Variants in CHRM3 observed in about 807,000 individuals in gnomAD.
CHRM3 encodes muscarinic acetylcholine receptor M3.
CHRM3 carries 11 observed loss-of-function variants against 41.8 expected under a neutral mutation model. The ratio of observed to expected loss-of-function variants is 0.26; its 90% CI spans 0.17 to 0.44. The LOEUF (loss-of-function observed/expected upper bound fraction) is 0.44. CHRM3 is among the 20% of genes least tolerant of loss of function. The pLI is 1.00. For missense variants in CHRM3, 571 were observed against 745.4 expected (o/e 0.77, Z 2.72); for synonymous variants, 297 against 301.4 (o/e 0.99, Z 0.15).
chr1:239,437,688 C>T (rs1211177902), intron 1 of CHRM3, among the ~76,000 whole-genome samples: 2 of 152,118 alleles, frequency 1.3e-5, no homozygotes, highest in Non-Finnish European at 2.9e-5. Context: ...AAGCATGCAT[C>T]ACACCCTCTT....
intron 3 of CHRM3, among the ~76,000 whole-genome samples, chr1:239,573,614 T>C (rs1158924620): frequency 6.6e-6 from 1 of 152,058 alleles, no homozygotes; most frequent in Admixed American, 6.6e-5. Flanking sequence ...ATGTATGCAG[T>C]GTAGATTTCC....
chr1:239,466,190 T>G (rs1232442982), intron 1 of CHRM3, among the ~76,000 whole-genome samples: 1 of 152,088 alleles, frequency 6.6e-6, no homozygotes, highest in Non-Finnish European at 1.5e-5. Context: ...AGATGAGGTT[T>G]CACCATGTTG....
chr1:239,807,759 G>A (rs1177115910), intron 5 of CHRM3, among the ~76,000 whole-genome samples: 1 of 151,918 alleles, frequency 6.6e-6, no homozygotes, highest in East Asian at 1.9e-4. Context: ...GTATATAGAA[G>A]AGAAGCAGAT....
rs566193830 is a variant in CHRM3 at position 239,610,777 on chromosome 1, G to C, written c.-312-21447G>C. 2.8e-4 allele frequency among the ~76,000 whole-genome samples: 42 copies of C among 152,308 alleles called. 1 individual carries two copies. Among genetic ancestry groups the C allele is most frequent in the Middle Eastern group, 3.4e-3 (1 of 294 alleles). Reference sequence around the variant, plus strand: ...TTCTTTTAAGAAATGCCCTAGGCCAGGCGCTGTGGCTCATGCCTGTAATCC... The same window carrying C: ...TTCTTTTAAGAAATGCCCTAGGCCACGCGCTGTGGCTCATGCCTGTAATCC... On this transcript the variant is annotated intron_variant, in intron 3 of 6. Coordinates refer to ENST00000676153, the MANE Select transcript of CHRM3 (RefSeq NM_001375978.1).
At chr1:239,444,952 A>G (rs1469435000) in intron 1 of CHRM3, among the ~76,000 whole-genome samples, 1 of 152,206 alleles carries the variant, frequency 6.6e-6, no homozygotes, top group Non-Finnish European at 1.5e-5. Context: ...GGCAGTAAAG[A>G]CAAGAAGAGA....
At chr1:239,430,217 C>T (rs1425161468) in intron 1 of CHRM3, among the ~76,000 whole-genome samples, 1 of 151,966 alleles carries the variant, frequency 6.6e-6, no homozygotes. Flanking sequence ...CCGCCCTCCT[C>T]AGCCTCCCAA....
intron 3 of CHRM3, among the ~76,000 whole-genome samples, chr1:239,590,660 G>A (rs962952159): frequency 6.6e-6 from 1 of 151,886 alleles, no homozygotes; most frequent in Admixed American, 6.6e-5. Flanking sequence ...TCTTCATGAG[G>A]CATTTTAAAC....
intron 4 of CHRM3, among the ~76,000 whole-genome samples, chr1:239,667,895 C>G (rs1297082165): frequency 6.6e-6 from 1 of 152,038 alleles, no homozygotes; most frequent in African/African-American, 2.4e-5. Context: ...ATTTGTAACT[C>G]TAGTACAAAC....
chr1:239,568,800 A>G (rs1366423686), intron 3 of CHRM3, among the ~76,000 whole-genome samples: 1 of 152,140 alleles, frequency 6.6e-6, no homozygotes, highest in African/African-American at 2.4e-5. Flanking sequence ...TGCAAGCATG[A>G]TAAATAATCC....
chr1:239,499,864 A>AT (rs1668111624), intron 2 of CHRM3, among the ~76,000 whole-genome samples: 1 of 152,170 alleles, frequency 6.6e-6, no homozygotes, highest in African/African-American at 2.4e-5. Context: ...TCAGCCAAGA[A>AT]TTTTCTATCC....
chr1:239,621,774 C>G (rs953956283), intron 3 of CHRM3, among the ~76,000 whole-genome samples: 3 of 152,158 alleles, frequency 2.0e-5, no homozygotes, highest in African/African-American at 7.2e-5. Context: ...CAAAAGCTGT[C>G]TATATAATAT....
chr1:239,609,314 T>C (rs74150618), intron 3 of CHRM3, among the ~76,000 whole-genome samples: 3,437 of 152,336 alleles, frequency 0.023, 120 homozygotes, highest in African/African-American at 0.077. Context: ...TGTATACTTT[T>C]GTGTCTGCCA....
At chr1:239,607,494 C>G (rs373967935) in intron 3 of CHRM3, among the ~76,000 whole-genome samples, 1 of 151,936 alleles carries the variant, frequency 6.6e-6, no homozygotes, top group Admixed American at 6.6e-5. Context: ...AACGTGCTTA[C>G]GAGACTGAAA....
chr1:239,778,206 C>T (rs533347814), intron 5 of CHRM3, among the ~76,000 whole-genome samples: 1 of 152,228 alleles, frequency 6.6e-6, no homozygotes, highest in South Asian at 2.1e-4. Flanking sequence ...ATACCACATC[C>T]CTAAACTCAA....
chr1:239,782,399 T>A (rs1668574621), intron 5 of CHRM3, among the ~76,000 whole-genome samples: 1 of 152,128 alleles, frequency 6.6e-6, no homozygotes, highest in African/African-American at 2.4e-5. Flanking sequence ...GTGGGCAACA[T>A]GTGTTCATAA....
intron 5 of CHRM3, among the ~76,000 whole-genome samples, chr1:239,780,396 T>G (rs1355753044): frequency 6.6e-6 from 1 of 152,250 alleles, no homozygotes; most frequent in Non-Finnish European, 1.5e-5. Flanking sequence ...CATGTTTTCC[T>G]ATGTTTCTTT....
Position 239,631,416 on chromosome 1 carries a change from C to G in CHRM3, c.-312-808C>G, listed in dbSNP as rs1348026855. Among the ~76,000 whole-genome samples, 3 of 152,120 alleles carry G rather than the reference C, an allele frequency of 2.0e-5. No individual in the cohort carries two copies. The East Asian group carries it at 5.8e-4, about 29-fold the overall frequency. ...CTCTTTTCATTTGGTGTCACCGTCA[C>G]CATGCTGTGCAAACTTCAAGGTCCT... On this transcript the variant is annotated intron_variant, in intron 3 of 6. Coordinates refer to ENST00000676153, the MANE Select transcript of CHRM3 (RefSeq NM_001375978.1).
At position 239,907,656 on chromosome 1, in the gene CHRM3, G is replaced by A; in HGVS notation, c.205G>A (p.Val69Ile). The A allele has an allele frequency of 6.2e-7, 1 of 1,614,176 alleles. No homozygotes were observed. The change falls in exon 7 of 7, where the codon GTC becomes ATC. Residue 69 changes from valine to isoleucine, a missense_variant. Val to Ile is a conservative substitution (Grantham distance 29). This residue lies in a region of CHRM3 where 153 missense variants were observed against 296.3 expected (regional missense o/e 0.52). Transcript: ENST00000676153. This position sits in a 1 kb window ranked among gnomAD's most constrained non-coding sequence, Gnocchi z 5.4. The stretch of plus-strand genomic sequence containing the variant: ...GGGAGGTCATACCGTCTGGCAAGTG[G>A]TCTTCATCGCTTTCTTAACGGGCAT... ...PLGGHTVWQVVFIAFLTGILA... is the reference protein window; with the variant it reads ...PLGGHTVWQVIFIAFLTGILA...
intron 5 of CHRM3, among the ~76,000 whole-genome samples, chr1:239,768,767 ATTT>A (rs34982165): frequency 2.1e-5 from 3 of 142,784 alleles, no homozygotes; most frequent in Non-Finnish European, 3.1e-5. Context: ...TTAAATGATA[ATTT>A]TTTTTTTTTT....
Sources: gnomAD v4.1 joint callset for allele counts (sites outside exome capture counted in the v4.1 genomes callset) on GRCh38, gnomAD v4.1.1 for gene constraint, gnomAD v4.1.1 regional missense constraint, Gnocchi (gnomAD v3.1) non-coding constraint, MANE v1.5 for transcripts, NCBI Gene and HGNC (gene_info 2026-07-23, HGNC 2026-07-21) for gene names.